Variants in TBC1D14 observed in about 807,000 individuals in gnomAD.
TBC1D14 encodes the protein TBC1 domain family member 14, also known as TBC1 domain family, member 14.
A neutral mutation model predicts 79.0 loss-of-function variants in TBC1D14; 26 were observed. The observed-to-expected ratio is 0.33, with a 90% confidence interval of 0.24 to 0.46. TBC1D14 has a LOEUF of 0.46. Among genes scored for constraint, TBC1D14 ranks in the 20% least tolerant of loss-of-function variants. TBC1D14 has a pLI of 1.00. For missense variants in TBC1D14, 769 were observed against 887.6 expected (o/e 0.87, Z 1.70); for synonymous variants, 394 against 349.9 (o/e 1.13, Z -1.40).
chr4:6,963,117 G>A (rs899253666), intron 2 of TBC1D14, among the ~76,000 whole-genome samples: 1 of 152,266 alleles, frequency 6.6e-6, no homozygotes, highest in East Asian at 1.9e-4. Flanking sequence ...GGGAGCCCAG[G>A]CCCGGCAGCT....
At chr4:6,995,252 A>T (rs1718895298) in intron 4 of TBC1D14, 1 of 152,264 alleles carries the variant, frequency 6.6e-6, no homozygotes, top group East Asian at 1.9e-4. Flanking sequence ...ATGTCAAAAA[A>T]CAAATGAACC....
chr4:6,915,637 A>G (rs532193318), intron 1 of TBC1D14, among the ~76,000 whole-genome samples: 23 of 152,294 alleles, frequency 1.5e-4, no homozygotes, highest in African/African-American at 3.9e-4. Flanking sequence ...GCTGTGAGGC[A>G]GAACGGTGTA....
intron 2 of TBC1D14, among the ~76,000 whole-genome samples, chr4:6,943,414 T>G (rs567450520): frequency 1.3e-5 from 2 of 152,304 alleles, no homozygotes; most frequent in South Asian, 2.1e-4. Flanking sequence ...CTTGCCCAAG[T>G]GATAGTTCCC....
intron 2 of TBC1D14, among the ~76,000 whole-genome samples, chr4:6,937,148 C>A (rs1712415316): frequency 6.6e-6 from 1 of 152,164 alleles, no homozygotes; most frequent in African/African-American, 2.4e-5. Context: ...AACTCCCGAC[C>A]TCAGGTGATC....
At chr4:6,995,262 C>A (rs1485512968) in intron 4 of TBC1D14, 1 of 152,130 alleles carries the variant, frequency 6.6e-6, no homozygotes, top group African/African-American at 2.4e-5. Flanking sequence ...ACAAATGAAC[C>A]ACGTAGCTAG....
At chr4:6,926,563 T>G (rs1724313951) in intron 2 of TBC1D14, among the ~76,000 whole-genome samples, 1 of 152,198 alleles carries the variant, frequency 6.6e-6, no homozygotes, top group South Asian at 2.1e-4. Flanking sequence ...GAACTACCTT[T>G]GGGAAGATAA....
chr4:6,974,088 TGCTGGGATTACAGACATGAGCC>T (rs879876847), intron 3 of TBC1D14, among the ~76,000 whole-genome samples: 101 of 152,008 alleles, frequency 6.6e-4, no homozygotes, highest in African/African-American at 1.5e-3. Context: ...CCTCCCAGAG[TGCTGGGATTACAGACATGAGCC>T]GCTGGGATTA....
intron 12 of TBC1D14, among the ~76,000 whole-genome samples, chr4:7,020,595 T>TTTGG (rs1288953182): frequency 1.3e-5 from 2 of 152,342 alleles, no homozygotes; most frequent in African/African-American, 4.8e-5. Flanking sequence ...AGTTGCTGGT[T>TTTGG]TTGGCTTCTT....
intron 12 of TBC1D14, among the ~76,000 whole-genome samples, chr4:7,019,188 A>C (rs1245233761): frequency 6.6e-6 from 1 of 151,938 alleles, no homozygotes; most frequent in Non-Finnish European, 1.5e-5. Flanking sequence ...CCCCCAGCTA[A>C]TTTTTGTATT....
intron 1 of TBC1D14, among the ~76,000 whole-genome samples, chr4:6,918,020 C>T (rs1723544095): frequency 6.6e-6 from 1 of 152,204 alleles, no homozygotes; most frequent in African/African-American, 2.4e-5. Context: ...AGGAACTTAA[C>T]TGGAATTGGG....
At chr4:6,981,023 T>C (rs1717327837) in intron 3 of TBC1D14, among the ~76,000 whole-genome samples, 1 of 97,756 alleles carries the variant, frequency 1.0e-5, no homozygotes, top group Non-Finnish European at 2.4e-5. Flanking sequence ...CCTCTGTCTC[T>C]TTTTTTTTTT....
chr4:6,911,378 A>T (rs1382981930), intron 1 of TBC1D14, among the ~76,000 whole-genome samples: 2 of 152,184 alleles, frequency 1.3e-5, no homozygotes, highest in African/African-American at 4.8e-5. Context: ...ACATGGGGAG[A>T]GTCAGAGATG....
chr4:6,923,758 C>T lies in TBC1D14; in HGVS notation c.369C>T (p.Ser123=), dbSNP rs147348518. 4.2e-5 allele frequency: 68 copies of T among 1,614,026 alleles called. No individual in the cohort carries two copies. The African/African-American group carries it at 7.2e-4, about 17-fold the overall frequency. Reference sequence around the variant, plus strand: ...CTAGCAGCACCGAGCGGGAACAGAGCGTGCGCAAATCCTCCACGTTTCCCA... The same window carrying T: ...CTAGCAGCACCGAGCGGGAACAGAGTGTGCGCAAATCCTCCACGTTTCCCA... ...PAPSSTEREQ[S]VRKSSTFPRT... Residue 123 remains serine, a synonymous_variant, in exon 2 of 14, where the codon AGC becomes AGT. Coordinates refer to ENST00000409757, the MANE Select transcript of TBC1D14 (RefSeq NM_020773.3).
chr4:7,007,752 C>G (rs1399023506), intron 9 of TBC1D14: 2 of 461,158 alleles, frequency 4.3e-6, no homozygotes, highest in Non-Finnish European at 7.5e-6. Flanking sequence ...TGCCCCAGTT[C>G]GTCTCCATAG....
At chr4:6,988,354 C>T (rs552408483) in intron 3 of TBC1D14, among the ~76,000 whole-genome samples, 1 of 152,374 alleles carries the variant, frequency 6.6e-6, no homozygotes, top group South Asian at 2.1e-4. Context: ...GGCTCTGCAG[C>T]TTATGCTGGT....
intron 2 of TBC1D14, among the ~76,000 whole-genome samples, chr4:6,949,065 T>C (rs1713766435): frequency 6.6e-6 from 1 of 151,778 alleles, no homozygotes; most frequent in South Asian, 2.1e-4. Context: ...TCCAAGCTAT[T>C]TGGGAGGCTG....
chr4:7,015,142 G>A (rs1484706108), intron 12 of TBC1D14, among the ~76,000 whole-genome samples: 2 of 152,102 alleles, frequency 1.3e-5, no homozygotes, highest in Non-Finnish European at 2.9e-5. Flanking sequence ...TTAGACCCAA[G>A]CTCTGGAGCT....
intron 2 of TBC1D14, among the ~76,000 whole-genome samples, chr4:6,925,393 C>T (rs1352262240): frequency 2.0e-5 from 3 of 152,158 alleles, no homozygotes; most frequent in Non-Finnish European, 2.9e-5. Flanking sequence ...GTGTGTGTGT[C>T]TCTAGCAGAA....
rs137873600 is a variant in TBC1D14, at chr4:7,001,232, C to T, written c.1251C>T (p.Asn417=). The part of the protein sequence containing the change: ...RGKVWSLAIG[N]ELNITHELFD... ...AAGTCTGGAGCTTAGCCATTGGCAACGAGTTAAATATCACCCACGGTGAGT... is the reference window on the plus strand; with the variant it reads ...AAGTCTGGAGCTTAGCCATTGGCAATGAGTTAAATATCACCCACGGTGAGT... The change falls in exon 7 of 14, where the codon AAC becomes AAT. Residue 417 remains asparagine (N), a synonymous_variant. Transcript: ENST00000409757. 81 of 1,614,056 alleles carry T rather than the reference C, an allele frequency of 5.0e-5. No homozygotes were observed. The South Asian group carries it at 6.8e-4, about 14-fold the overall frequency.
Sources: allele counts gnomAD v4.1 joint callset (sites outside exome capture counted in the v4.1 genomes callset), GRCh38; gene constraint gnomAD v4.1.1; transcripts MANE v1.5; gene names NCBI Gene and HGNC (gene_info 2026-07-23, HGNC 2026-07-21).